Variants in SNX16 observed in about 807,000 individuals in gnomAD.
SNX16 encodes the protein sorting nexin 16.
Under a neutral mutation model 36.7 loss-of-function variants are expected in SNX16, and 35 were observed. The ratio of observed to expected loss-of-function variants is 0.95; its 90% confidence interval spans 0.73 to 1.27. The LOEUF (loss-of-function observed/expected upper bound fraction) is 1.27. SNX16 is among the 50% of genes most tolerant of loss of function. The pLI is 0.00. For missense variants in SNX16, 367 were observed against 393.6 expected (o/e 0.93, Z 0.57); for synonymous variants, 134 against 132.0 (o/e 1.02, Z -0.10).
At chr8:81,823,201 G>A (rs1385214591) in intron 4 of SNX16, among the ~76,000 whole-genome samples, 2 of 150,838 alleles carry the variant, frequency 1.3e-5, no homozygotes, top group Non-Finnish European at 3.0e-5. Context: ...TTTTTTCAAA[G>A]TAGTTTTAAT....
chr8:81,830,520 G>A (rs1048158260), intron 2 of SNX16, among the ~76,000 whole-genome samples: 4 of 147,560 alleles, frequency 2.7e-5, no homozygotes, highest in African/African-American at 1.0e-4. Flanking sequence ...GCAGTGAGCT[G>A]ACATTGCACC....
intron 5 of SNX16, among the ~76,000 whole-genome samples, chr8:81,810,318 G>A (rs1810178491): frequency 6.6e-6 from 1 of 152,006 alleles, no homozygotes; most frequent in South Asian, 2.1e-4. Context: ...ACCTTAAATA[G>A]GGAACAGAGA....
chr8:81,815,448 A>G (rs961546000), intron 4 of SNX16, 54 bp from the exon 5 acceptor site: 51 of 1,480,668 alleles, frequency 3.4e-5, no homozygotes, highest in Non-Finnish European at 4.6e-5. Flanking sequence ...TGCAAAAGAT[A>G]GCAAAAAGCA....
intron 5 of SNX16, among the ~76,000 whole-genome samples, chr8:81,810,119 T>C: frequency 6.6e-6 from 1 of 152,084 alleles, no homozygotes; most frequent in East Asian, 1.9e-4. Context: ...TCATATAAAA[T>C]ATTAAAAATT....
At position 81,839,708 on chromosome 8, in the gene SNX16, A is replaced by G. The variant is rs1294738736; in HGVS notation, c.279T>C (p.Thr93=). The G allele has an allele frequency of 6.2e-7, 1 of 1,613,926 alleles. No individual in the cohort carries two copies. The highest frequency in any genetic ancestry group is 2.2e-5 in the East Asian group (1 of 44,852). ...SIEYSTRPRD[T]EEQNPETVNW... ...TCACTGTTTCCGGATTTTGTTCTTC[A>G]GTGTCTCTTGGTCTAGTAGAATACT... Residue 93 remains threonine, a synonymous_variant, in exon 2 of 8, where the codon ACT becomes ACC. Coordinates refer to ENST00000345957, the MANE Select transcript of SNX16 (RefSeq NM_152836.3).
chr8:81,817,565 G>C (rs528463029), intron 4 of SNX16, among the ~76,000 whole-genome samples: 1 of 152,180 alleles, frequency 6.6e-6, no homozygotes, highest in Non-Finnish European at 1.5e-5. Flanking sequence ...TCTTTAATCA[G>C]TAGCAGAATA....
In SNX16 at chr8:81,800,974, G is replaced by C. The variant is rs1809660700; in HGVS notation, c.*523C>G. The C allele has an allele frequency of 6.6e-6, 1 of 151,912 alleles. No individual in the cohort carries two copies. The highest frequency in any genetic ancestry group is 6.6e-5 in the Admixed American group (1 of 15,206). The allele number at this position is 151,912 out of a possible 1,614,324, so 9.4% of individuals were successfully genotyped here. A position where few individuals can be genotyped will look rare whatever the true frequency, so the allele number is the denominator to read the frequency against. On this transcript the variant is annotated 3_prime_UTR_variant, in exon 8 of 8. Transcript: ENST00000345957. ...TAAAGAGCATTAACATTTCAAATAA[G>C]CAAATTTTATTTAGAGATGTAAACA... is the stretch of plus-strand genomic sequence containing the variant.
chr8:81,830,135 T>A (rs1050152489), intron 2 of SNX16, among the ~76,000 whole-genome samples: 4 of 152,110 alleles, frequency 2.6e-5, no homozygotes, highest in Admixed American at 1.3e-4. Context: ...AGTATTTCCA[T>A]ACACCAATAA....
intron 2 of SNX16, among the ~76,000 whole-genome samples, chr8:81,837,092 C>A (rs568402640): frequency 3.3e-4 from 50 of 152,226 alleles, no homozygotes; most frequent in African/African-American, 1.1e-3. Flanking sequence ...AATCCCAACC[C>A]CAGATTTGGG....
chr8:81,839,859 T>C lies in SNX16; in HGVS notation c.128A>G (p.Gln43Arg). Residue 43 changes from glutamine to arginine, a missense_variant, in exon 2 of 8, where the codon CAG becomes CGG. Physicochemically the swap from Gln to Arg is conservative, Grantham distance 43 (BLOSUM62 1). Transcript: ENST00000345957. ...VSTSSNSSKG[Q>R]LEDSNMGNFK... ...ATTACCCATATTTGAGTCTTCTAAC[T>C]GGCCCTTAGAAGAATTTGAGCTTGT... The C allele has an allele frequency of 1.9e-6, 3 of 1,614,056 alleles. No individual in the cohort carries two copies. Among genetic ancestry groups the C allele is most frequent in the Non-Finnish European group, 2.5e-6 (3 of 1,179,940 alleles).
At chr8:81,837,107 C>A (rs1811524922) in intron 2 of SNX16, among the ~76,000 whole-genome samples, 1 of 152,140 alleles carries the variant, frequency 6.6e-6, no homozygotes. Flanking sequence ...TTTGGGGAAA[C>A]TCCCTGTCTT....
intron 5 of SNX16, among the ~76,000 whole-genome samples, chr8:81,806,488 A>T (rs1809953268): frequency 6.6e-6 from 1 of 152,172 alleles, no homozygotes; most frequent in African/African-American, 2.4e-5. Context: ...CAAACTAGAA[A>T]TAGAACTTCT....
intron 3 of SNX16, among the ~76,000 whole-genome samples, chr8:81,828,727 T>G (rs1355716179): frequency 6.6e-6 from 1 of 152,214 alleles, no homozygotes; most frequent in African/African-American, 2.4e-5. Context: ...CTGTTTTCTC[T>G]AGCTGGTGGC....
At chr8:81,829,577 T>C in intron 2 of SNX16, 61 bp from the exon 3 acceptor site, 1 of 705,496 alleles carries the variant, frequency 1.4e-6, no homozygotes, top group Non-Finnish European at 2.1e-6. Flanking sequence ...ATTTAAAAAC[T>C]CAAGCCAAAT....
chr8:81,838,295 A>G (rs530938120), intron 2 of SNX16, among the ~76,000 whole-genome samples: 1 of 152,292 alleles, frequency 6.6e-6, no homozygotes, highest in South Asian at 2.1e-4. Flanking sequence ...TTCTCCCCAG[A>G]TTAATCTATA....
intron 5 of SNX16, among the ~76,000 whole-genome samples, chr8:81,809,032 T>C (rs1810103078): frequency 6.6e-6 from 1 of 151,974 alleles, no homozygotes; most frequent in African/African-American, 2.4e-5. Context: ...CTAAATGTAA[T>C]AGTCTGATTG....
At chr8:81,835,953 C>T (rs1295639084) in intron 2 of SNX16, among the ~76,000 whole-genome samples, 2 of 152,222 alleles carry the variant, frequency 1.3e-5, no homozygotes, top group East Asian at 3.9e-4. Flanking sequence ...CCTTGTCCCT[C>T]ATCTGAGACA....
chr8:81,816,827 C>A (rs1473024645), intron 4 of SNX16, among the ~76,000 whole-genome samples: 1 of 152,046 alleles, frequency 6.6e-6, no homozygotes, highest in African/African-American at 2.4e-5. Context: ...AATATGTGTC[C>A]TTTTCTACCT....
intron 2 of SNX16, among the ~76,000 whole-genome samples, chr8:81,838,632 T>C (rs1811602747): frequency 6.7e-6 from 1 of 150,220 alleles, no homozygotes; most frequent in South Asian, 2.1e-4. Flanking sequence ...AAATCAATTC[T>C]GGTGGTTTAC....
Sources: allele counts gnomAD v4.1 joint callset (sites outside exome capture counted in the v4.1 genomes callset), GRCh38; gene constraint gnomAD v4.1.1; transcripts MANE v1.5; gene names NCBI Gene and HGNC (gene_info 2026-07-23, HGNC 2026-07-21).